PCLO: variants seen among roughly 807,000 people sequenced by gnomAD.
The protein encoded by PCLO is piccolo presynaptic cytomatrix protein, also known as protein piccolo.
Under a neutral mutation model 427.5 loss-of-function variants are expected in PCLO, and 82 were observed. The observed-to-expected ratio is 0.19, with a 90% CI of 0.16 to 0.23. The LOEUF is 0.23. PCLO is among the 10% of genes least tolerant of loss of function. The pLI is 1.00. For synonymous variants in PCLO, 2,357 were observed against 2,155.4 expected (o/e 1.09, Z -2.59); for missense variants, 6,239 against 6,115.9 (o/e 1.02, Z -0.67).
At chr7:82,940,484 A>G (rs969189997) in intron 6 of PCLO, among the ~76,000 whole-genome samples, 5 of 152,154 alleles carry the variant, frequency 3.3e-5, no homozygotes, top group African/African-American at 1.2e-4. Flanking sequence ...TTAAAATGAT[A>G]TATTAGAGAG....
At chr7:82,875,702 T>C (rs73385917) in intron 10 of PCLO, among the ~76,000 whole-genome samples, 3,121 of 152,232 alleles carry the variant, frequency 0.021, 118 homozygotes, top group African/African-American at 0.071. Context: ...AAAATCCTGT[T>C]ATATGCTAGG....
chr7:82,790,532 A>T (rs1440063589), intron 22 of PCLO, among the ~76,000 whole-genome samples: 1 of 152,176 alleles, frequency 6.6e-6, no homozygotes, highest in Non-Finnish European at 1.5e-5. Flanking sequence ...TATTTAAAAA[A>T]ATATTCCTGC....
chr7:82,838,569 C>T (rs566549142), intron 14 of PCLO, among the ~76,000 whole-genome samples: 2 of 151,600 alleles, frequency 1.3e-5, no homozygotes, highest in Admixed American at 6.6e-5. Context: ...AGTGAAAAGG[C>T]CTGGCCTGTT....
At chr7:83,017,325 G>T (rs1788232610) in intron 3 of PCLO, among the ~76,000 whole-genome samples, 1 of 151,924 alleles carries the variant, frequency 6.6e-6, no homozygotes, top group African/African-American at 2.4e-5. Context: ...AAACATTAAA[G>T]AATTTTTTTT....
intron 3 of PCLO, among the ~76,000 whole-genome samples, 167 bp downstream of exon 3, chr7:83,134,080 TAAG>T (rs1428605116): frequency 6.6e-6 from 1 of 151,660 alleles, no homozygotes; most frequent in African/African-American, 2.4e-5. Flanking sequence ...GAACTCTTAG[TAAG>T]AAGGTAAGCT....
chr7:83,107,728 C>T (rs1237219273), intron 3 of PCLO, among the ~76,000 whole-genome samples: 1 of 35,828 alleles, frequency 2.8e-5, no homozygotes, highest in African/African-American at 1.4e-4. Context: ...CGGTGGCTCA[C>T]GCCTATAATC....
Position 82,965,916 on chromosome 7 carries a change from G to A in PCLO, c.3872C>T (p.Pro1291Leu). The A allele has an allele frequency of 1.9e-6, 3 of 1,613,848 alleles. No homozygotes were observed. Among genetic ancestry groups the A allele is most frequent in the Non-Finnish European group, 2.5e-6 (3 of 1,179,830 alleles). The change falls in exon 4 of 25, where the codon CCA becomes CTA. Residue 1291 changes from proline to leucine, a missense_variant. Coordinates refer to ENST00000333891, the MANE Select transcript of PCLO (RefSeq NM_033026.6). ...APKTVQEGKQ[P>L]QTKMEGLPSG... Reference sequence around the variant, plus strand: ...TGGTAAACCTTCCATCTTGGTCTGTGGTTGTTTCCCTTCTTGCACTGTCTT... The same window carrying A: ...TGGTAAACCTTCCATCTTGGTCTGTAGTTGTTTCCCTTCTTGCACTGTCTT...
At chr7:82,968,722 G>T (rs925654964) in intron 3 of PCLO, among the ~76,000 whole-genome samples, 3 of 151,886 alleles carry the variant, frequency 2.0e-5, no homozygotes, top group Non-Finnish European at 4.4e-5. Flanking sequence ...GTTTCACCAT[G>T]TTACCTAGGA....
chr7:82,992,914 T>C (rs764224123), intron 3 of PCLO, among the ~76,000 whole-genome samples: 11 of 152,108 alleles, frequency 7.2e-5, no homozygotes, highest in African/African-American at 2.7e-4. Flanking sequence ...TGGTAATCAA[T>C]GCATCCATAT....
intron 22 of PCLO, among the ~76,000 whole-genome samples, chr7:82,781,390 A>G (rs1207958832): frequency 6.6e-6 from 1 of 151,706 alleles, no homozygotes; most frequent in Non-Finnish European, 1.5e-5. Context: ...CCGTAGGTAT[A>G]CGTGTGCCAT....
At chr7:82,987,400 AT>A (rs1401819327) in intron 3 of PCLO, among the ~76,000 whole-genome samples, 1 of 152,020 alleles carries the variant, frequency 6.6e-6, no homozygotes, top group Non-Finnish European at 1.5e-5. Flanking sequence ...TCAGATATAA[AT>A]GGGGTAATAC....
At chr7:82,977,009 C>T (rs776741908) in intron 3 of PCLO, among the ~76,000 whole-genome samples, 161 of 152,070 alleles carry the variant, frequency 1.1e-3, no homozygotes, top group Non-Finnish European at 1.7e-3. Context: ...TATGAGCCAC[C>T]ACACTTGGAC....
chr7:82,840,495 T>C (rs997513686), intron 14 of PCLO, among the ~76,000 whole-genome samples: 4 of 152,092 alleles, frequency 2.6e-5, no homozygotes, highest in Non-Finnish European at 4.4e-5. Context: ...GATCATGGTA[T>C]ATTATGTAGT....
intron 10 of PCLO, among the ~76,000 whole-genome samples, chr7:82,862,644 A>G (rs1792989447): frequency 1.3e-5 from 2 of 151,836 alleles, no homozygotes; most frequent in South Asian, 4.1e-4. Context: ...AAAAGGTGAC[A>G]TATACACAAT....
In PCLO at chr7:82,915,253, G is replaced by C; in HGVS notation, c.12733C>G (p.Leu4245Val). 1 of 1,613,432 alleles carries C rather than the reference G, an allele frequency of 6.2e-7. No individual in the cohort carries two copies. Among genetic ancestry groups the C allele is most frequent in the African/African-American group, 1.3e-5 (1 of 74,986 alleles). The change falls in exon 7 of 25, where the codon CTC becomes GTC. Residue 4245 changes from leucine to valine, a missense_variant. Coordinates refer to ENST00000333891, the MANE Select transcript of PCLO (RefSeq NM_033026.6). ...RLLQDDITFG[L>V]RKNITDQQKF... ...TGTTGGTCTGTAATATTTTTTCTGA[G>C]GCCAAAAGTGATGTCATCTTGAAGG...
At chr7:83,008,697 G>A (rs150495355) in intron 3 of PCLO, among the ~76,000 whole-genome samples, 3 of 151,688 alleles carry the variant, frequency 2.0e-5, no homozygotes, top group Non-Finnish European at 1.5e-5. Flanking sequence ...GACTAAAAAT[G>A]TATAATAGGT....
At chr7:82,811,375 C>T (rs574715547) in intron 20 of PCLO, among the ~76,000 whole-genome samples, 7 of 151,588 alleles carry the variant, frequency 4.6e-5, no homozygotes, top group Admixed American at 3.3e-4. Flanking sequence ...TTTCCTTCTT[C>T]CCTCCTCCTG....
At chr7:82,959,358 C>T (rs996182752) in intron 4 of PCLO, among the ~76,000 whole-genome samples, 2 of 152,110 alleles carry the variant, frequency 1.3e-5, no homozygotes, top group African/African-American at 4.8e-5. Context: ...GCCACCGTGC[C>T]TGGCCATGTG....
intron 22 of PCLO, among the ~76,000 whole-genome samples, chr7:82,782,377 T>C (rs992111763): frequency 6.6e-6 from 1 of 152,194 alleles, no homozygotes; most frequent in African/African-American, 2.4e-5. Context: ...GAAAAAAATC[T>C]TCTATACATA....
Sources: gnomAD v4.1 joint callset for allele counts (sites outside exome capture counted in the v4.1 genomes callset) on GRCh38, gnomAD v4.1.1 for gene constraint, MANE v1.5 for transcripts, NCBI Gene and HGNC (gene_info 2026-07-23, HGNC 2026-07-21) for gene names.